LSM14A: variants seen among roughly 807,000 people sequenced by gnomAD.
The protein encoded by LSM14A is LSM14A mRNA processing body assembly factor, also known as protein LSM14 homolog A.
Under a neutral mutation model 52.4 loss-of-function variants are expected in LSM14A, and 14 were observed. The ratio of observed to expected loss-of-function variants is 0.27; its 90% CI spans 0.18 to 0.42. The LOEUF (loss-of-function observed/expected upper bound fraction) is 0.42. LSM14A is among the 10% of genes least tolerant of loss of function. The pLI, the probability that LSM14A is intolerant of heterozygous loss-of-function variation, is 1.00. For missense variants in LSM14A, 417 were observed against 581.8 expected (o/e 0.72, Z 2.91); for synonymous variants, 185 against 200.3 (o/e 0.92, Z 0.64).
At chr19:34,178,111 A>G (rs900842455) in intron 1 of LSM14A, among the ~76,000 whole-genome samples, 2 of 151,908 alleles carry the variant, frequency 1.3e-5, no homozygotes, top group African/African-American at 2.4e-5. Flanking sequence ...GAGTGAGCCA[A>G]GATCACACCA....
At chr19:34,175,424 C>A (rs971676192) in intron 1 of LSM14A, among the ~76,000 whole-genome samples, 6 of 151,910 alleles carry the variant, frequency 3.9e-5, no homozygotes, top group African/African-American at 1.4e-4. Context: ...TTGAGACAGG[C>A]TTTCACCATA....
Position 34,172,863 on chromosome 19 carries a change from G to T in LSM14A, c.121+100G>T, listed in dbSNP as rs1357286420. 2.2e-6 allele frequency: 3 copies of T among 1,358,424 alleles called. No individual in the cohort carries two copies. The Admixed American group carries it at 1.1e-4, about 52-fold the overall frequency. 84.1% of individuals were successfully genotyped at this position (1,358,424 alleles called of 1,614,324 possible). On this transcript the variant is annotated intron_variant, in intron 1 of 9. Transcript: ENST00000544216. ...CCTCCTCGTTCCCTCCCCTCCCTCC[G>T]TCGAGCTCCGGGAGGCCTCTCGCCT...
intron 1 of LSM14A, among the ~76,000 whole-genome samples, chr19:34,187,248 C>CAAA (rs753895752): frequency 8.4e-6 from 1 of 119,120 alleles, no homozygotes. Context: ...GACTCGGTCT[C>CAAA]AAAAAAAAAA....
intron 2 of LSM14A, 60 bp downstream of exon 2, chr19:34,194,701 C>G (rs910780373): frequency 2.7e-6 from 4 of 1,490,572 alleles, no homozygotes; most frequent in Non-Finnish European, 3.7e-6. Context: ...TTAGCCTTGG[C>G]TTTTTTCTCT....
At chr19:34,216,324 A>G (rs1461097820) in intron 6 of LSM14A, among the ~76,000 whole-genome samples, 1 of 150,482 alleles carries the variant, frequency 6.6e-6, no homozygotes, top group African/African-American at 2.4e-5. Context: ...GAGGCAGGAG[A>G]ATGGCGTGAA....
At chr19:34,190,294 A>G (rs866399795) in intron 1 of LSM14A, among the ~76,000 whole-genome samples, 5 of 152,154 alleles carry the variant, frequency 3.3e-5, no homozygotes, top group African/African-American at 1.2e-4. Flanking sequence ...GCCAGCCTCC[A>G]TCATTAGAGC....
intron 2 of LSM14A, chr19:34,195,336 C>G (rs2070758980): frequency 6.6e-6 from 1 of 152,058 alleles, no homozygotes; most frequent in African/African-American, 2.4e-5. Flanking sequence ...CACCACCACA[C>G]CCGGCTAATT....
intron 3 of LSM14A, among the ~76,000 whole-genome samples, chr19:34,197,992 C>T (rs1011912243): frequency 2.5e-4 from 38 of 150,352 alleles, no homozygotes; most frequent in Admixed American, 1.9e-3. Flanking sequence ...TGCATTTTAG[C>T]GTTTAAACCA....
intron 4 of LSM14A, among the ~76,000 whole-genome samples, chr19:34,209,665 T>A (rs1421604953): frequency 6.6e-6 from 1 of 152,218 alleles, no homozygotes; most frequent in East Asian, 1.9e-4. Flanking sequence ...CCTTTTATTC[T>A]TATCTTTGTT....
intron 3 of LSM14A, among the ~76,000 whole-genome samples, chr19:34,203,441 C>T (rs929947382): frequency 1.3e-5 from 2 of 152,106 alleles, no homozygotes; most frequent in South Asian, 2.1e-4. Context: ...GAGATGCTTA[C>T]GAACTTTACA....
chr19:34,183,209 C>G (rs1187474448), intron 1 of LSM14A, among the ~76,000 whole-genome samples: 5 of 152,170 alleles, frequency 3.3e-5, no homozygotes, highest in African/African-American at 1.2e-4. Flanking sequence ...TTTACTTTTC[C>G]TTCCTGTTGA....
intron 4 of LSM14A, 35 bp from the exon 5 acceptor site, chr19:34,215,089 A>T (rs199611057): frequency 3.2e-6 from 5 of 1,558,394 alleles, no homozygotes; most frequent in Non-Finnish European, 4.3e-6. Context: ...GAAATCCCCA[A>T]TAGGGTAGTT....
chr19:34,202,474 C>A, intron 3 of LSM14A, among the ~76,000 whole-genome samples: 1 of 146,210 alleles, frequency 6.8e-6, no homozygotes, highest in African/African-American at 2.5e-5. Context: ...GCTTGGGAAA[C>A]AGAGCCAGAC....
chr19:34,197,627 G>A lies in LSM14A; in HGVS notation c.415+864G>A, dbSNP rs112955862. Among the ~76,000 whole-genome samples the A allele has an allele frequency of 5.0e-3, 760 of 151,338 alleles. 7 individuals carry two copies. Among genetic ancestry groups the A allele is most frequent in the Middle Eastern group, 7.0e-3 (2 of 286 alleles). On this transcript the variant is annotated intron_variant, in intron 3 of 9. Transcript: ENST00000544216. ...CCAATTTTTTTGTATTTTTAGTAGA[G>A]ATGGGGTTTCACCATGTTGGCCAAG...
At chr19:34,219,116 G>A (rs1414641643) in intron 6 of LSM14A, among the ~76,000 whole-genome samples, 1 of 152,138 alleles carries the variant, frequency 6.6e-6, no homozygotes, top group African/African-American at 2.4e-5. Context: ...ACACTTGCCT[G>A]GCTGTATACT....
chr19:34,189,026 T>C (rs2070152415), intron 1 of LSM14A, among the ~76,000 whole-genome samples: 1 of 152,178 alleles, frequency 6.6e-6, no homozygotes, highest in South Asian at 2.1e-4. Context: ...TGTGCTTTAT[T>C]TCCAGTGTAG....
intron 1 of LSM14A, 107 bp downstream of exon 1, chr19:34,172,870 T>C: frequency 7.7e-7 from 1 of 1,305,944 alleles, no homozygotes; most frequent in Non-Finnish European, 1.0e-6. Context: ...TCCGTCGAGC[T>C]CCGGGAGGCC....
intron 1 of LSM14A, among the ~76,000 whole-genome samples, chr19:34,186,006 C>T (rs1430455357): frequency 1.3e-5 from 2 of 152,152 alleles, no homozygotes; most frequent in African/African-American, 4.8e-5. Flanking sequence ...TAATTCAGTT[C>T]CCTTGGTATT....
chr19:34,206,308 C>G (rs2071691302), intron 3 of LSM14A, among the ~76,000 whole-genome samples: 1 of 151,512 alleles, frequency 6.6e-6, no homozygotes, highest in Admixed American at 6.6e-5. Context: ...GAGTTCAAGG[C>G]TGCAGTGAGC....
Sources: gnomAD v4.1 joint callset for allele counts (sites outside exome capture counted in the v4.1 genomes callset) on GRCh38, gnomAD v4.1.1 for gene constraint, MANE v1.5 for transcripts, NCBI Gene and HGNC (gene_info 2026-07-23, HGNC 2026-07-21) for gene names.